Variants in ZNF454 observed in about 807,000 individuals in gnomAD.
The protein encoded by ZNF454 is zinc finger protein 454.
Under a neutral mutation model 48.2 loss-of-function variants are expected in ZNF454, and 30 were observed. The ratio of observed to expected loss-of-function variants is 0.62; its 90% CI spans 0.47 to 0.84. ZNF454 has a LOEUF of 0.84. ZNF454 is among the 40% of genes least tolerant of loss of function. ZNF454 has a pLI of 0.00. For missense variants in ZNF454, 510 were observed against 623.1 expected (o/e 0.82, Z 1.93); for synonymous variants, 204 against 211.4 (o/e 0.97, Z 0.30).
chr5:178,943,062 G>A (rs1452286807), intron 2 of ZNF454, among the ~76,000 whole-genome samples: 1 of 152,160 alleles, frequency 6.6e-6, no homozygotes, highest in Non-Finnish European at 1.5e-5. Context: ...TGGAACCCAG[G>A]TCCCTGTGAA....
downstream of ZNF454, among the ~76,000 whole-genome samples, chr5:178,966,934 A>T (rs1408985991): frequency 6.6e-6 from 1 of 152,198 alleles, no homozygotes; most frequent in Non-Finnish European, 1.5e-5. Context: ...AACTGTCTGC[A>T]TGGTGCCACC....
chr5:178,977,653 T>C, the ZNF454 span, among the ~76,000 whole-genome samples: 1 of 151,556 alleles, frequency 6.6e-6, no homozygotes, highest in Admixed American at 6.6e-5. Context: ...CACAGAAACC[T>C]CCGCCTCCCG....
At chr5:178,952,069 G>C (rs1236760967) in intron 4 of ZNF454, among the ~76,000 whole-genome samples, 1 of 144,452 alleles carries the variant, frequency 6.9e-6, no homozygotes, top group Non-Finnish European at 1.5e-5. Context: ...ACGGAGTCTC[G>C]TTCTGTCGCC....
At chr5:178,986,291 G>A in the ZNF454 span, 3 of 1,614,044 alleles carry the variant, frequency 1.9e-6, no homozygotes, top group Non-Finnish European at 2.5e-6. Flanking sequence ...CCCAGGAAGA[G>A]CCTGCGGGCG....
chr5:178,976,122 C>T, the ZNF454 span: 46 of 455,830 alleles, frequency 1.0e-4, no homozygotes, highest in African/African-American at 9.0e-4. Flanking sequence ...CTGCAGGACC[C>T]CATCCCCCAG....
the ZNF454 span, chr5:178,981,644 C>G: frequency 6.2e-7 from 1 of 1,604,136 alleles, no homozygotes; most frequent in Non-Finnish European, 8.5e-7. This position sits in a 1 kb window ranked among gnomAD's most constrained non-coding sequence, Gnocchi z 5.1. Context: ...CAGTCCCGTT[C>G]CCACCTGCCC....
chr5:178,966,880 G>T (rs887286935), downstream of ZNF454, among the ~76,000 whole-genome samples: 1 of 152,202 alleles, frequency 6.6e-6, no homozygotes, highest in South Asian at 2.1e-4. Context: ...CCTGTGAGAC[G>T]ATTCATTTGC....
the ZNF454 span, chr5:178,986,371 A>G: frequency 1.9e-6 from 3 of 1,614,040 alleles, no homozygotes; most frequent in Non-Finnish European, 2.5e-6. Context: ...GATGCCGGTG[A>G]GGAGGACGTA....
chr5:178,983,424 G>T, the ZNF454 span: 6 of 701,628 alleles, frequency 8.6e-6, no homozygotes, highest in Admixed American at 8.0e-5. Flanking sequence ...AGAGGGGTCC[G>T]TCCAAAGGCC....
chr5:178,975,988 C>T, the ZNF454 span: 2 of 367,174 alleles, frequency 5.4e-6, no homozygotes, highest in Non-Finnish European at 5.6e-6. Context: ...CCTGACTGCT[C>T]CACTCTGCTG....
the ZNF454 span, among the ~76,000 whole-genome samples, chr5:178,974,522 G>T: frequency 1.5e-4 from 23 of 152,244 alleles, no homozygotes; most frequent in South Asian, 3.3e-3. Context: ...GTTTCACCGT[G>T]TTAGCCAGGA....
the ZNF454 span, chr5:178,989,211 A>ACCCCCCCCCCC: frequency 8.2e-6 from 1 of 121,722 alleles, no homozygotes; most frequent in Non-Finnish European, 1.3e-5. Flanking sequence ...CCCCCTCCCC[A>ACCCCCCCCCCC]CCCTCACCAC....
chr5:178,983,153 C>T, the ZNF454 span: 1 of 1,613,982 alleles, frequency 6.2e-7, no homozygotes, highest in Non-Finnish European at 8.5e-7. Flanking sequence ...GGTCCACCGT[C>T]CGCTGTTCCT....
downstream of ZNF454, among the ~76,000 whole-genome samples, chr5:178,971,130 G>A (rs1760227770): frequency 6.6e-6 from 1 of 152,246 alleles, no homozygotes; most frequent in African/African-American, 2.4e-5. Flanking sequence ...GAGGTAGTCA[G>A]TGAGATTGAG....
chr5:178,983,299 G>A, the ZNF454 span: 7 of 1,270,804 alleles, frequency 5.5e-6, no homozygotes, highest in Non-Finnish European at 7.9e-6. Flanking sequence ...GGCCCCTGCG[G>A]GTCAGGATCC....
chr5:178,951,136 G>A (rs1389874305), intron 4 of ZNF454, among the ~76,000 whole-genome samples: 1 of 152,054 alleles, frequency 6.6e-6, no homozygotes, highest in Admixed American at 6.6e-5. Context: ...GGGATTACAG[G>A]CATGAGCCAC....
chr5:178,972,408 G>T, the ZNF454 span, among the ~76,000 whole-genome samples: 16 of 152,002 alleles, frequency 1.1e-4, no homozygotes, highest in Middle Eastern at 3.4e-3. Context: ...ACATTTCCAT[G>T]AGCCCCTAGA....
At chr5:178,985,554 T>C in the ZNF454 span, 7 of 336,302 alleles carry the variant, frequency 2.1e-5, no homozygotes, top group Admixed American at 4.1e-5. Context: ...ATACAAAAAA[T>C]TAGCCGGGCG....
Position 178,946,819 on chromosome 5 carries a change from A to T in ZNF454, c.161-78A>T. 1 of 1,340,396 alleles carries T rather than the reference A, an allele frequency of 7.5e-7. No homozygotes were observed. Among genetic ancestry groups the T allele is most frequent in the Admixed American group, 1.8e-5 (1 of 55,250 alleles). The allele number at this position is 1,340,396 out of a possible 1,614,324, so 83.0% of individuals were successfully genotyped here. The stretch of plus-strand genomic sequence containing the variant: ...TCCCATTTCCCAGCAAGCTCTGAGG[A>T]CCAGGCTTTGTCTTTGCAGTGATTT... On this transcript the variant is annotated intron_variant, in intron 3 of 4. Transcript: ENST00000519564. This position sits in a 1 kb window ranked among gnomAD's most constrained non-coding sequence, Gnocchi z 4.5.
Sources: gnomAD v4.1 joint callset for allele counts (sites outside exome capture counted in the v4.1 genomes callset) on GRCh38, gnomAD v4.1.1 for gene constraint, Gnocchi (gnomAD v3.1) non-coding constraint, MANE v1.5 for transcripts, NCBI Gene and HGNC (gene_info 2026-07-23, HGNC 2026-07-21) for gene names.